Variants in AATF observed in about 807,000 individuals in gnomAD.
The protein encoded by AATF is protein AATF.
AATF carries 48 observed loss-of-function variants against 63.7 expected under a neutral mutation model. The ratio of observed to expected loss-of-function variants is 0.75; its 90% CI spans 0.60 to 0.96. AATF has a LOEUF of 0.96. Among genes scored for constraint, AATF ranks in the 40% least tolerant of loss-of-function variants. The pLI is 0.00. For missense variants in AATF, 639 were observed against 685.7 expected, an observed-to-expected ratio of 0.93 and a Z score of 0.76; for synonymous variants, 258 against 247.7, an observed-to-expected ratio of 1.04 and a Z score of -0.39.
chr17:37,043,156 T>C (rs1166486044), intron 11 of AATF: 2 of 152,224 alleles, frequency 1.3e-5, no homozygotes, highest in Non-Finnish European at 2.9e-5. Flanking sequence ...CAATATCACA[T>C]GCTACTCTTT....
chr17:36,959,353 G>C (rs1005914350), intron 4 of AATF, among the ~76,000 whole-genome samples: 3 of 152,008 alleles, frequency 2.0e-5, no homozygotes, highest in African/African-American at 7.3e-5. Context: ...TGAGGTGGGA[G>C]AATTGCTTGA....
Position 37,035,343 on chromosome 17 carries a change from C to T in AATF, c.1619+3658C>T, listed in dbSNP as rs183736420. Among the ~76,000 whole-genome samples, 196 of 151,424 alleles carry T rather than the reference C, an allele frequency of 1.3e-3. 1 individual carries two copies. The highest frequency in any genetic ancestry group is 4.6e-3 in the African/African-American group (189 of 41,336). On this transcript the variant is annotated intron_variant, in intron 11 of 11. Coordinates refer to ENST00000619387, the MANE Select transcript of AATF (RefSeq NM_012138.4). ...AAGCGATTCTCCTGCCTCAGCCTCC[C>T]GAGTAGCTGGGACTACAGGCGTGCA...
At chr17:36,957,778 A>G (rs2070914119) in intron 4 of AATF, among the ~76,000 whole-genome samples, 1 of 152,140 alleles carries the variant, frequency 6.6e-6, no homozygotes, top group African/African-American at 2.4e-5. Context: ...TTTTCTCAAT[A>G]TAGTCTCTCC....
chr17:37,022,624 T>A (rs1341851068), intron 10 of AATF, among the ~76,000 whole-genome samples: 5 of 152,196 alleles, frequency 3.3e-5, no homozygotes, highest in Admixed American at 1.3e-4. Context: ...TGCCTGAGTT[T>A]GAATCCCAGC....
At chr17:37,026,945 T>C (rs1192739568) in intron 10 of AATF, among the ~76,000 whole-genome samples, 1 of 152,216 alleles carries the variant, frequency 6.6e-6, no homozygotes, top group South Asian at 2.1e-4. Flanking sequence ...TCATCACTGA[T>C]ACTAGGTCCC....
rs781627397 is a variant in AATF at position 36,961,030 on chromosome 17, C to T, written c.832+7123C>T. Reference sequence around the variant, plus strand: ...TGATGAATATCCTTCCAGACCTTTTCGCGTGCACACACACACACACCACAC... The same window carrying T: ...TGATGAATATCCTTCCAGACCTTTTTGCGTGCACACACACACACACCACAC... On this transcript the variant is annotated intron_variant, in intron 4 of 11. Coordinates refer to ENST00000619387, the MANE Select transcript of AATF (RefSeq NM_012138.4). Among the ~76,000 whole-genome samples the T allele has an allele frequency of 4.6e-5, 7 of 152,194 alleles. No homozygotes were observed. The East Asian group carries it at 1.2e-3, about 25-fold the overall frequency.
chr17:36,982,928 G>A (rs1294590902), intron 4 of AATF, among the ~76,000 whole-genome samples: 3 of 152,096 alleles, frequency 2.0e-5, no homozygotes, highest in Non-Finnish European at 4.4e-5. Context: ...GGTACCTCAT[G>A]TAACTGGAAT....
At chr17:36,963,286 A>G (rs1014123090) in intron 4 of AATF, among the ~76,000 whole-genome samples, 1 of 152,186 alleles carries the variant, frequency 6.6e-6, no homozygotes, top group Non-Finnish European at 1.5e-5. Context: ...GTGAGCATCG[A>G]TCAACAGAAT....
At chr17:37,034,276 C>G (rs1479723131) in intron 11 of AATF, among the ~76,000 whole-genome samples, 2 of 152,122 alleles carry the variant, frequency 1.3e-5, no homozygotes, top group South Asian at 2.1e-4. Context: ...GGAACTAGCT[C>G]TCTCTCCTAG....
At chr17:37,031,106 C>A (rs540405977) in intron 10 of AATF, among the ~76,000 whole-genome samples, 1 of 152,302 alleles carries the variant, frequency 6.6e-6, no homozygotes, top group South Asian at 2.1e-4. Context: ...AATGTACAGT[C>A]AGCCCTACAT....
intron 8 of AATF, among the ~76,000 whole-genome samples, chr17:36,997,115 G>A (rs1470733966): frequency 1.3e-5 from 2 of 152,122 alleles, no homozygotes; most frequent in Non-Finnish European, 2.9e-5. Flanking sequence ...TTAAACACAG[G>A]ATCCCAGCAG....
Position 36,988,705 on chromosome 17 carries a change from T to C in AATF, c.1134T>C (p.Ser378=). 1.9e-6 allele frequency: 3 copies of C among 1,613,822 alleles called. No individual in the cohort carries two copies. The highest frequency in any genetic ancestry group is 1.7e-6 in the Non-Finnish European group (2 of 1,179,904). ...GGCACGATAAGACCAAACTGGCTTC[T>C]GGAAAACTGGGGAAGGCAAGTGTGT... ...QKWHDKTKLA[S]GKLGKGFGAF... The change falls in exon 6 of 12, where the codon TCT becomes TCC. Residue 378 remains serine (S), a synonymous_variant. Transcript: ENST00000619387.
intron 8 of AATF, among the ~76,000 whole-genome samples, chr17:36,996,176 A>C (rs2071253272): frequency 6.6e-6 from 1 of 152,200 alleles, no homozygotes. Flanking sequence ...TCACACCTGT[A>C]ATCTCAGCAC....
intron 8 of AATF, among the ~76,000 whole-genome samples, chr17:36,996,549 A>G (rs2071256576): frequency 6.6e-6 from 1 of 152,230 alleles, no homozygotes; most frequent in African/African-American, 2.4e-5. Context: ...GCCCAATTAA[A>G]TTTCAGTTTT....
chr17:36,977,244 G>C (rs1051892770), intron 4 of AATF, among the ~76,000 whole-genome samples: 1 of 152,172 alleles, frequency 6.6e-6, no homozygotes, highest in Middle Eastern at 3.2e-3. Context: ...CTGGATGACA[G>C]GCTGAAGCTG....
intron 11 of AATF, among the ~76,000 whole-genome samples, chr17:37,045,147 C>A (rs1431790771): frequency 6.6e-6 from 1 of 152,180 alleles, no homozygotes; most frequent in Admixed American, 6.5e-5. Flanking sequence ...AGCACCTGGT[C>A]ATGGGAAGCT....
chr17:37,006,047 A>G (rs903000669), intron 8 of AATF, among the ~76,000 whole-genome samples: 2 of 152,174 alleles, frequency 1.3e-5, no homozygotes, highest in Non-Finnish European at 2.9e-5. Flanking sequence ...AGGTAGGAAG[A>G]TCACTTGAGC....
At position 37,015,007 on chromosome 17, in the gene AATF, G is replaced by GT. The variant is rs921762953; in HGVS notation, c.1399-3991dup. Among the ~76,000 whole-genome samples, 37 of 152,060 alleles carry GT rather than the reference G, an allele frequency of 2.4e-4. 2 individuals are homozygous for GT. Among genetic ancestry groups the GT allele is most frequent in the African/African-American group, 8.7e-4 (36 of 41,492 alleles). ...GGGATATTCATTGTAAGTTTTGGGG[G>GT]TTTTTTTCTCCTTTTTAATTATTTA... On this transcript the variant is annotated intron_variant, in intron 8 of 11. Transcript: ENST00000619387.
In AATF at chr17:37,054,007, T is replaced by A. The variant is rs1386622490; in HGVS notation, c.1620-2594T>A. On this transcript the variant is annotated intron_variant, in intron 11 of 11. Transcript: ENST00000619387. Reference sequence around the variant, plus strand: ...ATTTTGTAACTATTTAAACTTACTGTGAAAAACGTTATAAAAATGTGCAAC... The same window carrying A: ...ATTTTGTAACTATTTAAACTTACTGAGAAAAACGTTATAAAAATGTGCAAC... Among the ~76,000 whole-genome samples, 3 of 152,218 alleles carry A rather than the reference T, an allele frequency of 2.0e-5. No homozygotes were observed. In the East Asian group the frequency reaches 5.8e-4, roughly 29 times the overall value.
Sources: allele counts gnomAD v4.1 joint callset (sites outside exome capture counted in the v4.1 genomes callset), GRCh38; gene constraint gnomAD v4.1.1; transcripts MANE v1.5; gene names NCBI Gene and HGNC (gene_info 2026-07-23, HGNC 2026-07-21).